AFF1: variants seen among roughly 807,000 people sequenced by gnomAD.
The protein encoded by AFF1 is ALF transcription elongation factor 1.
AFF1 carries 48 observed loss-of-function variants against 121.7 expected under a neutral mutation model. The observed-to-expected ratio is 0.39, with a 90% CI of 0.31 to 0.50. The LOEUF (loss-of-function observed/expected upper bound fraction) is 0.50. Ranked by LOEUF, AFF1 falls within the 20% of genes least tolerant of loss-of-function variation. The pLI is 0.76. For missense variants in AFF1, 1,523 were observed against 1,511.7 expected (o/e 1.01, Z -0.12); for synonymous variants, 613 against 563.0 (o/e 1.09, Z -1.26).
intron 1 of AFF1, among the ~76,000 whole-genome samples, chr4:86,937,890 G>T (rs1578805464): frequency 6.6e-6 from 1 of 152,202 alleles, no homozygotes; most frequent in Non-Finnish European, 1.5e-5. Context: ...ACAGGTGGAA[G>T]CCACCGTGCC....
chr4:86,990,551 A>G (rs757526883), intron 2 of AFF1, among the ~76,000 whole-genome samples: 1 of 152,180 alleles, frequency 6.6e-6, no homozygotes, highest in Admixed American at 6.5e-5. Context: ...GGTTTCAGAG[A>G]GGGTGCCATT....
At chr4:86,987,795 A>G (rs1427560001) in intron 2 of AFF1, among the ~76,000 whole-genome samples, 2 of 152,044 alleles carry the variant, frequency 1.3e-5, no homozygotes, top group African/African-American at 4.8e-5. Flanking sequence ...TCTACTAAAA[A>G]TACAAAAATT....
chr4:86,976,261 GTAT>G (rs1197176633), intron 2 of AFF1, among the ~76,000 whole-genome samples: 3 of 152,044 alleles, frequency 2.0e-5, no homozygotes, highest in Non-Finnish European at 2.9e-5. Context: ...TCACATTCTG[GTAT>G]TATTACTGGC....
At chr4:87,033,963 G>T (rs966806852) in intron 2 of AFF1, among the ~76,000 whole-genome samples, 15 of 152,186 alleles carry the variant, frequency 9.9e-5, no homozygotes, top group African/African-American at 3.6e-4. Flanking sequence ...GCGGGAAGGG[G>T]TGACTGACCT....
intron 2 of AFF1, among the ~76,000 whole-genome samples, chr4:86,966,220 T>C (rs188673474): frequency 2.4e-4 from 37 of 152,252 alleles, no homozygotes; most frequent in African/African-American, 8.4e-4. Flanking sequence ...CAGTAAATGC[T>C]CAGCACCTAC....
chr4:86,993,612 A>G (rs1204793973), intron 2 of AFF1, among the ~76,000 whole-genome samples: 1 of 152,204 alleles, frequency 6.6e-6, no homozygotes. Flanking sequence ...CATAGATTTT[A>G]TAGTACTGTG....
rs200604128 is a variant in AFF1, at chr4:87,140,849, GT to G, written c.*5157del. The G allele has an allele frequency of 7.6e-5, 14 of 184,278 alleles. No individual in the cohort carries two copies. Among genetic ancestry groups the G allele is most frequent in the East Asian group, 8.8e-5 (1 of 11,350 alleles). 11.4% of individuals were successfully genotyped at this position (184,278 alleles called of 1,614,324 possible). A position where few individuals can be genotyped will look rare whatever the true frequency, so the allele number is the denominator to read the frequency against. ...ATATGTGATCTGTGAGAGAATTATA[GT>G]TTTTTTTTAGAAGAAAAATCTGCAA... is the stretch of plus-strand genomic sequence containing the variant. On this transcript the variant is annotated 3_prime_UTR_variant, in exon 21 of 21. Coordinates refer to ENST00000395146, the MANE Select transcript of AFF1 (RefSeq NM_001166693.3).
intron 4 of AFF1, among the ~76,000 whole-genome samples, chr4:87,059,398 A>C (rs1720497169): frequency 6.6e-6 from 1 of 152,202 alleles, no homozygotes; most frequent in Non-Finnish European, 1.5e-5. Context: ...TTTTGAAAGC[A>C]GCTTGATCCT....
chr4:87,002,330 A>C (rs1240747883), intron 2 of AFF1, among the ~76,000 whole-genome samples: 2 of 151,568 alleles, frequency 1.3e-5, no homozygotes, highest in Non-Finnish European at 1.5e-5. Context: ...TCCTGGCCTC[A>C]AGTGATCCTC....
chr4:86,969,176 T>C (rs1722744189), intron 2 of AFF1, among the ~76,000 whole-genome samples: 1 of 152,134 alleles, frequency 6.6e-6, no homozygotes, highest in Admixed American at 6.5e-5. Flanking sequence ...CTTTTTTTCT[T>C]TTCAAATGAA....
intron 2 of AFF1, among the ~76,000 whole-genome samples, chr4:86,984,425 C>G (rs1425450838): frequency 6.7e-6 from 1 of 150,042 alleles, no homozygotes; most frequent in Non-Finnish European, 1.5e-5. Flanking sequence ...CTCCTGGATT[C>G]AAGCAATTCT....
intron 4 of AFF1, among the ~76,000 whole-genome samples, chr4:87,062,358 T>C (rs758924174): frequency 5.9e-5 from 9 of 152,112 alleles, no homozygotes; most frequent in Non-Finnish European, 1.3e-4. Context: ...AACCCCTTTA[T>C]ACAGGCACTG....
chr4:87,084,229 A>T, intron 5 of AFF1, 65 bp downstream of exon 5: 1 of 1,540,702 alleles, frequency 6.5e-7, no homozygotes, highest in East Asian at 2.3e-5. Context: ...ACATCCATTT[A>T]CTTTCACTTT....
intron 2 of AFF1, among the ~76,000 whole-genome samples, chr4:86,963,411 A>G (rs1057019274): frequency 2.0e-5 from 3 of 152,178 alleles, no homozygotes; most frequent in African/African-American, 4.8e-5. Flanking sequence ...GGATGGGAAG[A>G]AAAACTGGTA....
chr4:87,110,890 G>A (rs970889161), intron 11 of AFF1, among the ~76,000 whole-genome samples: 12 of 152,108 alleles, frequency 7.9e-5, no homozygotes, highest in Middle Eastern at 3.4e-3. Context: ...ATGAGGAGAC[G>A]CAGAGGAAGA....
chr4:87,103,664 G>A (rs866965141), intron 8 of AFF1, among the ~76,000 whole-genome samples: 77 of 152,186 alleles, frequency 5.1e-4, no homozygotes, highest in African/African-American at 1.7e-3. Context: ...AGAGGAAGTG[G>A]AGCCAAAAGT....
intron 2 of AFF1, among the ~76,000 whole-genome samples, chr4:87,041,061 G>A (rs1730095062): frequency 6.6e-6 from 1 of 151,612 alleles, no homozygotes; most frequent in African/African-American, 2.4e-5. Flanking sequence ...ATTTTTAGTA[G>A]CCACAGGGTT....
chr4:87,122,763 A>G (rs781521376), intron 12 of AFF1, among the ~76,000 whole-genome samples: 29 of 152,094 alleles, frequency 1.9e-4, no homozygotes, highest in Middle Eastern at 3.4e-3. Context: ...CAGATTGTCT[A>G]TAGCAAACTG....
At chr4:87,049,101 G>A (rs371804458) in intron 4 of AFF1, among the ~76,000 whole-genome samples, 3 of 146,842 alleles carry the variant, frequency 2.0e-5, no homozygotes, top group East Asian at 2.1e-4. Context: ...AAAAAGGGGG[G>A]GGGGGGACAA....
Sources: allele counts gnomAD v4.1 joint callset (sites outside exome capture counted in the v4.1 genomes callset), GRCh38; gene constraint gnomAD v4.1.1; transcripts MANE v1.5; gene names NCBI Gene and HGNC (gene_info 2026-07-23, HGNC 2026-07-21).